The following SLF1 variants were observed in gnomAD, a reference collection of about 807,000 sequenced individuals.
The protein encoded by SLF1 is SMC5/6 complex localization factor 1, also known as SMC5-SMC6 complex localization factor protein 1.
A neutral mutation model predicts 123.0 loss-of-function variants in SLF1; 105 were observed. The ratio of observed to expected loss-of-function variants is 0.85; its 90% confidence interval spans 0.73 to 1.00. The LOEUF (loss-of-function observed/expected upper bound fraction) is 1.00. Among genes scored for constraint, SLF1 ranks in the 50% least tolerant of loss-of-function variants. The pLI, the probability that SLF1 is intolerant of heterozygous loss-of-function variation, is 0.00. For synonymous variants in SLF1, 434 were observed against 406.6 expected (o/e 1.07, Z -0.81); for missense variants, 1,239 against 1,223.0 (o/e 1.01, Z -0.20).
intron 15 of SLF1, 152 bp downstream of exon 15, chr5:94,679,107 A>G (rs1390787440): frequency 5.0e-6 from 4 of 795,458 alleles, no homozygotes; most frequent in Non-Finnish European, 7.7e-6. Context: ...ACACACACAG[A>G]CAATATAAAG....
rs1259227428 is a variant in SLF1, at chr5:94,664,895, T to C, written c.1369-966T>C. Among the ~76,000 whole-genome samples the C allele has an allele frequency of 2.0e-5, 3 of 152,306 alleles. No individual in the cohort carries two copies. The East Asian group carries it at 5.8e-4, about 29-fold the overall frequency. ...GTTGCTTCTTCAGAACCTGCACTTA[T>C]AGGAAAAGTCAGCCCTCCACATACG... On this transcript the variant is annotated intron_variant, in intron 11 of 20. Transcript: ENST00000265140.
At chr5:94,673,560 A>G (rs1750712268) in intron 14 of SLF1, among the ~76,000 whole-genome samples, 1 of 151,986 alleles carries the variant, frequency 6.6e-6, no homozygotes, top group Admixed American at 6.6e-5. Context: ...AGTGGTGTGC[A>G]CATGTATTAG....
chr5:94,634,438 T>TC (rs1745531498), intron 4 of SLF1, among the ~76,000 whole-genome samples: 1 of 152,214 alleles, frequency 6.6e-6, no homozygotes, highest in South Asian at 2.1e-4. Flanking sequence ...GTATTTGTCT[T>TC]TCTGTGCTGG....
At chr5:94,628,273 G>A (rs974541612) in intron 1 of SLF1, among the ~76,000 whole-genome samples, 3 of 151,948 alleles carry the variant, frequency 2.0e-5, no homozygotes, top group Non-Finnish European at 4.4e-5. Flanking sequence ...AGCCTCCTGA[G>A]TATTACAGGC....
At chr5:94,652,100 T>C (rs1360969454) in intron 7 of SLF1, among the ~76,000 whole-genome samples, 1 of 151,878 alleles carries the variant, frequency 6.6e-6, no homozygotes, top group Non-Finnish European at 1.5e-5. Flanking sequence ...CTCTGCCTCC[T>C]GGGTTCAAGC....
rs1276787875 is a variant in SLF1 at position 94,629,095 on chromosome 5, T to C, written c.118T>C (p.Tyr40His). Residue 40 changes from tyrosine to histidine, a missense_variant, in exon 3 of 21, where the codon TAC (tyrosine) becomes CAC (histidine). By Grantham distance (83) the Tyr-to-His change is moderately conservative. Transcript: ENST00000265140. ...TGATGTGGATTTTTCCCTCCAGAAA[T>C]ACAAAAATTGTACACATCTTATAGC... The part of the protein sequence containing the change: ...LDCTFIKSEK[Y>H]KNCTHLIAER... The C allele has an allele frequency of 6.5e-7, 1 of 1,538,616 alleles. No individual in the cohort carries two copies. The highest frequency in any genetic ancestry group is 8.8e-7 in the Non-Finnish European group (1 of 1,141,442).
At chr5:94,629,603 T>C (rs1260019778) in intron 3 of SLF1, 1 of 153,112 alleles carries the variant, frequency 6.5e-6, no homozygotes, top group African/African-American at 2.4e-5. Context: ...TTCTAAGATA[T>C]TAAATACTAT....
chr5:94,655,655 A>G (rs1748289261), intron 9 of SLF1, among the ~76,000 whole-genome samples: 1 of 151,778 alleles, frequency 6.6e-6, no homozygotes, highest in African/African-American at 2.4e-5. Flanking sequence ...CCTTGTAGAG[A>G]TCTTTCACCT....
chr5:94,636,215 T>A (rs1745755140), intron 4 of SLF1, among the ~76,000 whole-genome samples: 2 of 152,222 alleles, frequency 1.3e-5, no homozygotes, highest in Admixed American at 1.3e-4. Flanking sequence ...CAGAATTTTT[T>A]ATTTGTCTTT....
chr5:94,633,647 T>C (rs1052737343), intron 4 of SLF1, among the ~76,000 whole-genome samples: 4 of 152,316 alleles, frequency 2.6e-5, no homozygotes, highest in Non-Finnish European at 5.9e-5. Flanking sequence ...AAGACATGGT[T>C]GTGTACTAAA....
intron 14 of SLF1, 48 bp downstream of exon 14, chr5:94,671,056 T>C: frequency 1.6e-6 from 2 of 1,288,874 alleles, no homozygotes; most frequent in Non-Finnish European, 1.1e-6. Context: ...AACAGCACTT[T>C]GAATTATTTA....
rs566396193 is a variant in SLF1 at position 94,663,899 on chromosome 5, C to T, written c.1359C>T (p.Asn453=). 6 of 1,530,348 alleles carry T rather than the reference C, an allele frequency of 3.9e-6. No homozygotes were observed. The highest frequency in any genetic ancestry group is 2.2e-5 in the Admixed American group (1 of 45,736). 94.8% of individuals were successfully genotyped at this position (1,530,348 alleles called of 1,614,324 possible). A position where few individuals can be genotyped will look rare whatever the true frequency, so the allele number is the denominator to read the frequency against. Residue 453 remains asparagine (N), a synonymous_variant, in exon 11 of 21, where the codon AAC becomes AAT. Coordinates refer to ENST00000265140, the MANE Select transcript of SLF1 (RefSeq NM_032290.4). ...GCGTTCTTCATGCCCTTCTAGAGAA[C>T]GTTCTACAGGTAAGAGCAGCCTTAA... The part of the protein sequence containing the change: ...PVCVLHALLE[N]VLQDNIDTFS...
At chr5:94,624,309 C>T (rs1792043530) in intron 1 of SLF1, among the ~76,000 whole-genome samples, 1 of 152,074 alleles carries the variant, frequency 6.6e-6, no homozygotes, top group South Asian at 2.1e-4. Flanking sequence ...AAAGGCTTTC[C>T]TGATTTCTGC....
intron 1 of SLF1, among the ~76,000 whole-genome samples, chr5:94,622,006 T>C (rs956094619): frequency 2.6e-5 from 4 of 152,184 alleles, no homozygotes; most frequent in Non-Finnish European, 1.5e-5. Flanking sequence ...CTGAATGATA[T>C]TAAACCAAGG....
rs542842609 is a variant in SLF1 at position 94,626,629 on chromosome 5, A to C, written c.1-2182A>C. 2.6e-5 allele frequency among the ~76,000 whole-genome samples: 4 copies of C among 152,170 alleles called. No homozygotes were observed. The South Asian group carries it at 8.3e-4, about 31-fold the overall frequency. On this transcript the variant is annotated intron_variant, in intron 1 of 20. Coordinates refer to ENST00000265140, the MANE Select transcript of SLF1 (RefSeq NM_032290.4). ...AGTAAACATTGTTTTGAAGGAGATG[A>C]TGGTTTTTGTTTTGGTTTGTTTTTT...
At position 94,630,688 on chromosome 5, in the gene SLF1, A is replaced by C. The variant is rs1010876258; in HGVS notation, c.376A>C (p.Arg126=). The change falls in exon 4 of 21, where the codon AGA becomes CGA. Residue 126 remains arginine, a synonymous_variant. Transcript: ENST00000265140. ...KRTGAPGAFH[R]WKVVLLVRTD... Reference sequence around the variant, plus strand: ...CACTGGTGCTCCAGGAGCCTTCCACAGATGGAAAGTTGTCCTCCTTGTTAG... The same window carrying C: ...CACTGGTGCTCCAGGAGCCTTCCACCGATGGAAAGTTGTCCTCCTTGTTAG... 1.3e-6 allele frequency: 2 copies of C among 1,551,614 alleles called. No individual in the cohort carries two copies. Among genetic ancestry groups the C allele is most frequent in the Non-Finnish European group, 1.7e-6 (2 of 1,146,990 alleles).
chr5:94,634,509 C>A lies in SLF1; in HGVS notation c.431+3766C>A, dbSNP rs1417099257. 2.6e-5 allele frequency among the ~76,000 whole-genome samples: 4 copies of A among 152,288 alleles called. No homozygotes were observed. The East Asian group carries it at 7.7e-4, about 29-fold the overall frequency. ...CATGTTGTTGCAAATGACATAATTT[C>A]TCTCTTTCTAAAGTCTACATATTAT... On this transcript the variant is annotated intron_variant, in intron 4 of 20. Transcript: ENST00000265140.
At chr5:94,688,764 C>A (rs1752736484) in intron 17 of SLF1, 95 bp downstream of exon 17, 2 of 1,341,676 alleles carry the variant, frequency 1.5e-6, no homozygotes, top group Non-Finnish European at 2.0e-6. Context: ...GTGATACTGT[C>A]TGAATTATAC....
rs530764421 is a variant in SLF1, at chr5:94,630,396, T to G, written c.191-107T>G. ...TCAAAGATAATGTTAGCAGCATAGC[T>G]TAAGAGTCTTATCTTGAAAAAGGTT... On this transcript the variant is annotated intron_variant, in intron 3 of 20. Transcript: ENST00000265140. 3.1e-4 allele frequency: 394 copies of G among 1,290,264 alleles called. 2 individuals carry two copies. The South Asian group carries it at 5.8e-3, about 19-fold the overall frequency. 79.9% of individuals were successfully genotyped at this position (1,290,264 alleles called of 1,614,324 possible).
Sources: gnomAD v4.1 joint callset for allele counts (sites outside exome capture counted in the v4.1 genomes callset) on GRCh38, gnomAD v4.1.1 for gene constraint, MANE v1.5 for transcripts, NCBI Gene and HGNC (gene_info 2026-07-23, HGNC 2026-07-21) for gene names.